CELF2: variants seen among roughly 807,000 people sequenced by gnomAD.
CELF2 encodes the protein CUGBP Elav-like family member 2, also known as CUG triplet repeat RNA-binding protein 2.
CELF2 carries 8 observed loss-of-function variants against 62.6 expected under a neutral mutation model. That is an observed-to-expected ratio of 0.13 (90% CI 0.07 to 0.23). The LOEUF (loss-of-function observed/expected upper bound fraction) is 0.23, where lower values mean the gene tolerates loss of function less well. Ranked by LOEUF, CELF2 falls within the 10% of genes least tolerant of loss-of-function variation. The pLI is 1.00. For missense variants in CELF2, 333 were observed against 671.0 expected, an observed-to-expected ratio of 0.50 and a Z score of 5.56; for synonymous variants, 258 against 250.0, an observed-to-expected ratio of 1.03 and a Z score of -0.30.
At chr10:10,937,492 T>C (rs1414774616) in intron 2 of CELF2, 1 of 152,184 alleles carries the variant, frequency 6.6e-6, no homozygotes, top group Non-Finnish European at 1.5e-5. Flanking sequence ...CTACAAAGCA[T>C]TTTGGAAACT....
chr10:10,476,543 T>C, the CELF2 span, among the ~76,000 whole-genome samples: 1 of 152,154 alleles, frequency 6.6e-6, no homozygotes, highest in Non-Finnish European at 1.5e-5. Flanking sequence ...TATGCCCTTT[T>C]CCTACTCTCC....
rs573259201 is a variant in CELF2 at position 11,280,939 on chromosome 10, G to A, written c.841+5819G>A. 3.3e-5 allele frequency among the ~76,000 whole-genome samples: 5 copies of A among 152,130 alleles called. No individual in the cohort carries two copies. The East Asian group carries it at 9.7e-4, about 29-fold the overall frequency. On this transcript the variant is annotated intron_variant, in intron 8 of 12. Coordinates refer to ENST00000633077, the MANE Select transcript of CELF2 (RefSeq NM_001326342.2). This position sits in a 1 kb window ranked among gnomAD's most constrained non-coding sequence, Gnocchi z 7.6. Reference sequence around the variant, plus strand: ...AAGGTAGCTAAGAATGGAGGAGCTCGGGCTCGCCTGGCTGCTTCTGATGCT... The same window carrying A: ...AAGGTAGCTAAGAATGGAGGAGCTCAGGCTCGCCTGGCTGCTTCTGATGCT...
chr10:10,781,520 A>T, the CELF2 span, among the ~76,000 whole-genome samples: 1 of 152,170 alleles, frequency 6.6e-6, no homozygotes, highest in Non-Finnish European at 1.5e-5. Flanking sequence ...TGTGCAGGGG[A>T]ACTGCCCTTT....
the CELF2 span, among the ~76,000 whole-genome samples, chr10:10,720,157 T>C: frequency 3.9e-5 from 6 of 152,324 alleles, no homozygotes; most frequent in African/African-American, 1.4e-4. Flanking sequence ...TGACTACCAC[T>C]GTGCAGGACT....
At chr10:11,107,846 T>C (rs2053926958) in intron 1 of CELF2, among the ~76,000 whole-genome samples, 1 of 114,974 alleles carries the variant, frequency 8.7e-6, no homozygotes, top group African/African-American at 3.3e-5. Flanking sequence ...CTGCCCCCTA[T>C]TTCTCCCCAT....
chr10:10,525,131 C>T, the CELF2 span, among the ~76,000 whole-genome samples: 7 of 152,212 alleles, frequency 4.6e-5, no homozygotes, highest in South Asian at 1.0e-3. Context: ...CAGTTTTTTT[C>T]GGTGAGAACA....
At chr10:11,040,274 T>G (rs1175226204) in intron 1 of CELF2, among the ~76,000 whole-genome samples, 1 of 152,226 alleles carries the variant, frequency 6.6e-6, no homozygotes, top group Non-Finnish European at 1.5e-5. Context: ...ATTAACAAGA[T>G]ATAGACAGTG....
At chr10:11,154,499 G>A (rs1205097920) in intron 1 of CELF2, among the ~76,000 whole-genome samples, 3 of 152,214 alleles carry the variant, frequency 2.0e-5, no homozygotes, top group Non-Finnish European at 2.9e-5. Context: ...AGGATGAGGT[G>A]GCCTGCAGAG....
At position 11,247,000 on chromosome 10, in the gene CELF2, C is replaced by A. The variant is rs187474223; in HGVS notation, c.355-2153C>A. ...CCCACAGTCACCTGGTTGTACAGAC[C>A]TGGAGTTCCCCTTCTCCACCATCCC... On this transcript the variant is annotated intron_variant, in intron 3 of 12. Coordinates refer to ENST00000633077, the MANE Select transcript of CELF2 (RefSeq NM_001326342.2). The surrounding 1 kb of genome is among the most constrained non-coding windows in gnomAD (Gnocchi z 4.6). Among the ~76,000 whole-genome samples, 8 of 152,304 alleles carry A rather than the reference C, an allele frequency of 5.3e-5. No individual in the cohort carries two copies. The highest frequency in any genetic ancestry group is 3.9e-4 in the Admixed American group (6 of 15,308).
At chr10:11,303,428 T>A (rs2093949153) in intron 9 of CELF2, among the ~76,000 whole-genome samples, 1 of 152,238 alleles carries the variant, frequency 6.6e-6, no homozygotes, top group South Asian at 2.1e-4. Flanking sequence ...TGTTGAATCT[T>A]CATTGCAAGT....
chr10:10,694,478 T>A, the CELF2 span, among the ~76,000 whole-genome samples: 1 of 152,026 alleles, frequency 6.6e-6, no homozygotes, highest in Non-Finnish European at 1.5e-5. Context: ...CTGAAAAAAA[T>A]GTATATTCTG....
At chr10:10,772,034 C>A in the CELF2 span, among the ~76,000 whole-genome samples, 3 of 152,034 alleles carry the variant, frequency 2.0e-5, no homozygotes, top group Non-Finnish European at 4.4e-5. Context: ...CAATTCCATG[C>A]CTTAGACTAT....
chr10:10,838,967 C>T (rs1458900290), intron 1 of CELF2, among the ~76,000 whole-genome samples: 1 of 151,790 alleles, frequency 6.6e-6, no homozygotes, highest in Non-Finnish European at 1.5e-5. Flanking sequence ...GGTGAAAACC[C>T]ATCTCTACTA....
the CELF2 span, among the ~76,000 whole-genome samples, chr10:10,701,740 G>A: frequency 1.3e-5 from 2 of 152,212 alleles, no homozygotes; most frequent in Non-Finnish European, 2.9e-5. Context: ...CCAAGAGGCC[G>A]TGCGGGGTGC....
intron 2 of CELF2, among the ~76,000 whole-genome samples, chr10:10,979,964 T>G (rs1349861982): frequency 6.6e-6 from 1 of 152,224 alleles, no homozygotes; most frequent in Non-Finnish European, 1.5e-5. Context: ...AAGGGCATTG[T>G]TTTTAGGGAG....
intron 1 of CELF2, among the ~76,000 whole-genome samples, chr10:10,915,368 C>T (rs1252283418): frequency 1.3e-5 from 2 of 152,142 alleles, no homozygotes; most frequent in East Asian, 3.9e-4. Flanking sequence ...GAGTATTCAA[C>T]ATCTTATATG....
At chr10:10,978,934 C>T (rs924875379) in intron 2 of CELF2, among the ~76,000 whole-genome samples, 1 of 152,210 alleles carries the variant, frequency 6.6e-6, no homozygotes, top group African/African-American at 2.4e-5. Context: ...ATTTGGGCTC[C>T]TTGGCAGGAC....
At chr10:10,985,422 T>G (rs1440812406) in intron 2 of CELF2, among the ~76,000 whole-genome samples, 1 of 152,176 alleles carries the variant, frequency 6.6e-6, no homozygotes, top group Non-Finnish European at 1.5e-5. Context: ...CAATGCATTA[T>G]CATAAGTTTG....
chr10:10,633,762 C>T, the CELF2 span, among the ~76,000 whole-genome samples: 27 of 151,776 alleles, frequency 1.8e-4, no homozygotes, highest in African/African-American at 5.5e-4. Flanking sequence ...ACCCTTCTAC[C>T]GTTTATATTC....
Sources: gnomAD v4.1 joint callset for allele counts (sites outside exome capture counted in the v4.1 genomes callset) on GRCh38, gnomAD v4.1.1 for gene constraint, Gnocchi (gnomAD v3.1) non-coding constraint, MANE v1.5 for transcripts, NCBI Gene and HGNC (gene_info 2026-07-23, HGNC 2026-07-21) for gene names.